MIR2052HG: variants seen among roughly 807,000 people sequenced by gnomAD.
The protein encoded by MIR2052HG is MIR2052 host gene.
At chr8:74,624,427 C>A (rs1808408068) in intron 2 of MIR2052HG, among the ~76,000 whole-genome samples, 1 of 152,182 alleles carries the variant, frequency 6.6e-6, no homozygotes, top group African/African-American at 2.4e-5. Flanking sequence ...TTTGTGGAAC[C>A]TGTCTGTTAT....
intron 4 of MIR2052HG, among the ~76,000 whole-genome samples, chr8:74,714,272 G>T (rs1660724447): frequency 6.6e-6 from 1 of 152,082 alleles, no homozygotes; most frequent in Non-Finnish European, 1.5e-5. Flanking sequence ...TATGAGCTTG[G>T]GTGGTCCTTA....
intron 4 of MIR2052HG, among the ~76,000 whole-genome samples, chr8:74,736,244 T>G (rs1451167572): frequency 1.3e-5 from 2 of 152,208 alleles, no homozygotes; most frequent in African/African-American, 4.8e-5. Flanking sequence ...TAAAATAGAC[T>G]TAGTAGTACA....
intron 2 of MIR2052HG, among the ~76,000 whole-genome samples, chr8:74,665,344 G>A (rs188419718): frequency 5.1e-4 from 77 of 152,256 alleles, no homozygotes; most frequent in Non-Finnish European, 6.3e-4. Flanking sequence ...TTTTCTTTGT[G>A]ATCAACAGAT....
chr8:74,609,693 T>C (rs1378501300), intron 1 of MIR2052HG: 1 of 150,138 alleles, frequency 6.7e-6, no homozygotes, highest in Non-Finnish European at 1.5e-5. Context: ...AAAAAGATAC[T>C]CTCATTTAAT....
intron 2 of MIR2052HG, among the ~76,000 whole-genome samples, chr8:74,630,475 A>C (rs557935452): frequency 6.6e-6 from 1 of 151,852 alleles, no homozygotes; most frequent in East Asian, 1.9e-4. Context: ...CTTTTACTCC[A>C]GAAAGAGGAA....
intron 1 of MIR2052HG, among the ~76,000 whole-genome samples, chr8:74,605,087 C>T (rs1395435099): frequency 6.6e-6 from 1 of 152,064 alleles, no homozygotes; most frequent in Non-Finnish European, 1.5e-5. Context: ...GTCACATGGG[C>T]CCTTGTTGCA....
intron 4 of MIR2052HG, among the ~76,000 whole-genome samples, chr8:74,720,167 A>G (rs1209766249): frequency 2.0e-5 from 3 of 151,734 alleles, no homozygotes; most frequent in African/African-American, 7.3e-5. Flanking sequence ...CCCTTCTTAC[A>G]TTTTCTTACA....
At chr8:74,635,523 A>G (rs565006828) in intron 2 of MIR2052HG, among the ~76,000 whole-genome samples, 75 of 152,326 alleles carry the variant, frequency 4.9e-4, no homozygotes, top group African/African-American at 1.7e-3. Flanking sequence ...GGACATGCAC[A>G]GAACACAATT....
chr8:74,636,888 T>C (rs1413440876), intron 2 of MIR2052HG, among the ~76,000 whole-genome samples: 4 of 152,194 alleles, frequency 2.6e-5, no homozygotes, highest in Non-Finnish European at 5.9e-5. Context: ...ATGCAGATTC[T>C]GAAGTCTGGG....
chr8:74,698,644 C>T (rs903928833), intron 2 of MIR2052HG, among the ~76,000 whole-genome samples: 3 of 152,116 alleles, frequency 2.0e-5, no homozygotes, highest in South Asian at 2.1e-4. Context: ...ATACAAGGAA[C>T]TCAAACAAAT....
intron 2 of MIR2052HG, among the ~76,000 whole-genome samples, chr8:74,675,093 T>C (rs1191193154): frequency 6.6e-6 from 1 of 152,078 alleles, no homozygotes; most frequent in Non-Finnish European, 1.5e-5. Context: ...ATGTACCAGA[T>C]ACTTATCTAA....
chr8:74,741,487 A>G (rs1809827816), intron 4 of MIR2052HG, among the ~76,000 whole-genome samples: 1 of 152,096 alleles, frequency 6.6e-6, no homozygotes. Flanking sequence ...TGTCTACTTC[A>G]CTTTGTTGTT....
intron 2 of MIR2052HG, among the ~76,000 whole-genome samples, chr8:74,679,672 G>A (rs1809098490): frequency 6.6e-6 from 1 of 151,644 alleles, no homozygotes; most frequent in East Asian, 1.9e-4. Context: ...ACACTCATCT[G>A]CCACCACACC....
chr8:74,750,905 T>G (rs897982240), intron 4 of MIR2052HG, among the ~76,000 whole-genome samples: 2 of 152,194 alleles, frequency 1.3e-5, no homozygotes, highest in South Asian at 2.1e-4. Flanking sequence ...ATATTTACTA[T>G]CTCTATAGAG....
chr8:74,714,926 C>A (rs981202122), intron 4 of MIR2052HG, among the ~76,000 whole-genome samples: 1 of 151,940 alleles, frequency 6.6e-6, no homozygotes, highest in South Asian at 2.1e-4. Context: ...GTGATCCACC[C>A]GCCTTGGCCT....
At chr8:74,681,393 A>G (rs2128739092) in intron 2 of MIR2052HG, among the ~76,000 whole-genome samples, 1 of 152,242 alleles carries the variant, frequency 6.6e-6, no homozygotes, top group South Asian at 2.1e-4. Flanking sequence ...ATAAAGTATA[A>G]CAAAAGGTAG....
rs1209640025 is a variant in MIR2052HG, at chr8:74,671,232, T to C, written n.217-31147T>C. Among the ~76,000 whole-genome samples, 3 of 152,024 alleles carry C rather than the reference T, an allele frequency of 2.0e-5. No individual in the cohort carries two copies. The East Asian group carries it at 5.8e-4, about 29-fold the overall frequency. ...AACTTTAAATTTTATCATTTCCTTT[T>C]GCCAACAGCTATCTTAGGATAGCTA... On this transcript the variant is annotated intron_variant and non_coding_transcript_variant, in intron 2 of 6. Transcript: ENST00000523442.
chr8:74,620,396 G>C (rs879668365), intron 2 of MIR2052HG, among the ~76,000 whole-genome samples: 4 of 152,202 alleles, frequency 2.6e-5, no homozygotes, highest in African/African-American at 9.6e-5. Flanking sequence ...CCAACCTCAC[G>C]TTTCCCTTCT....
At position 74,691,816 on chromosome 8, in the gene MIR2052HG, C is replaced by T. The variant is rs7816851; in HGVS notation, n.217-10563C>T. On this transcript the variant is annotated intron_variant and non_coding_transcript_variant, in intron 2 of 6. Coordinates refer to ENST00000523442, the Ensembl canonical transcript of MIR2052HG. ...GTAGACTATTGTAATAGGTAAGTTC[C>T]AATTCAAACCTGTGTGAAGTTTTCC... Among the ~76,000 whole-genome samples the T allele has an allele frequency of 4.8e-3, 730 of 152,230 alleles. 4 individuals carry two copies. Among genetic ancestry groups the T allele is most frequent in the African/African-American group, 0.015 (641 of 41,536 alleles).
Sources: allele counts gnomAD v4.1 joint callset (sites outside exome capture counted in the v4.1 genomes callset), GRCh38; gene constraint gnomAD v4.1.1; transcripts MANE v1.5; gene names NCBI Gene and HGNC (gene_info 2026-07-23, HGNC 2026-07-21).